Variants in RPS6KA2 observed in about 807,000 individuals in gnomAD.
The protein encoded by RPS6KA2 is ribosomal protein S6 kinase alpha-2.
Under a neutral mutation model 91.8 loss-of-function variants are expected in RPS6KA2, and 42 were observed. That is an observed-to-expected ratio of 0.46 (90% CI 0.36 to 0.59). The LOEUF is 0.59. Ranked by LOEUF, RPS6KA2 falls within the 20% of genes least tolerant of loss-of-function variation. The pLI, the probability that RPS6KA2 is intolerant of heterozygous loss-of-function variation, is 0.00. For missense variants in RPS6KA2, 798 were observed against 978.5 expected (o/e 0.82, Z 2.46); for synonymous variants, 414 against 393.6 (o/e 1.05, Z -0.61).
intron 4 of RPS6KA2, among the ~76,000 whole-genome samples, chr6:166,509,815 A>T (rs1782400303): frequency 6.6e-6 from 1 of 152,346 alleles, no homozygotes; most frequent in East Asian, 1.9e-4. Flanking sequence ...AGAACATGAA[A>T]ATAATAAGCT....
chr6:166,590,805 C>T (rs897705534), intron 1 of RPS6KA2, among the ~76,000 whole-genome samples: 2 of 151,486 alleles, frequency 1.3e-5, no homozygotes, highest in African/African-American at 4.8e-5. Flanking sequence ...TCAACACTAA[C>T]GGATAAGTGA....
At chr6:166,636,532 T>TCTC (rs1050956006) in intron 2 of RPS6KA2, among the ~76,000 whole-genome samples, 4 of 152,130 alleles carry the variant, frequency 2.6e-5, no homozygotes, top group East Asian at 1.9e-4. Flanking sequence ...TCCACATATT[T>TCTC]CTCCTCCTCC....
At position 166,732,608 on chromosome 6, in the gene RPS6KA2, G is replaced by GA. The variant is rs1213391277; in HGVS notation, c.123+125591dup. Among the ~76,000 whole-genome samples, 1 of 152,248 alleles carries GA rather than the reference G, an allele frequency of 6.6e-6. No homozygotes were observed. The highest frequency in any genetic ancestry group is 2.4e-5 in the African/African-American group (1 of 41,468). On this transcript the variant is annotated intron_variant, in intron 2 of 21. Coordinates refer to the RPS6KA2 transcript ENST00000503859. The surrounding 1 kb of genome is among the most constrained non-coding windows in gnomAD (Gnocchi z 4.0). ...AGCCATCCACTGCATCCAGACTGTTGAATCTTCAACCAGCATCAAAGAAAG... is the reference window on the plus strand; with the variant it reads ...AGCCATCCACTGCATCCAGACTGTTGAAATCTTCAACCAGCATCAAAGAAAG...
Position 166,459,645 on chromosome 6 carries a change from G to A in RPS6KA2, c.973-94C>T. The A allele has an allele frequency of 1.2e-6, 1 of 829,404 alleles. No homozygotes were observed. Among genetic ancestry groups the A allele is most frequent in the Non-Finnish European group, 2.0e-6 (1 of 505,004 alleles). 51.4% of individuals were successfully genotyped at this position (829,404 alleles called of 1,614,324 possible). ...AGAGAAACCTGCTGTGGGGAGGGAAGGATGTTCTTATCACAGACTGCATTG... is the reference window on the plus strand; with the variant it reads ...AGAGAAACCTGCTGTGGGGAGGGAAAGATGTTCTTATCACAGACTGCATTG... On this transcript the variant is annotated intron_variant, in intron 11 of 20. Transcript: ENST00000265678. This position sits in a 1 kb window ranked among gnomAD's most constrained non-coding sequence, Gnocchi z 4.9.
At chr6:166,461,986 C>G (rs562100503) in intron 11 of RPS6KA2, among the ~76,000 whole-genome samples, 13 of 152,252 alleles carry the variant, frequency 8.5e-5, no homozygotes, top group South Asian at 8.3e-4. Flanking sequence ...GCTGCCACAC[C>G]TGTGTGACCG....
chr6:166,761,220 T>C (rs1778161839), intron 2 of RPS6KA2, among the ~76,000 whole-genome samples: 1 of 152,166 alleles, frequency 6.6e-6, no homozygotes, highest in Non-Finnish European at 1.5e-5. Context: ...AAATTTTGTA[T>C]TTTTTGTAGA....
At chr6:166,678,410 T>A (rs551554988) in intron 2 of RPS6KA2, among the ~76,000 whole-genome samples, 204 of 152,362 alleles carry the variant, frequency 1.3e-3, no homozygotes, top group Non-Finnish European at 2.4e-3. Context: ...CGCAGAAGGT[T>A]GCCTTCTACA....
intron 1 of RPS6KA2, among the ~76,000 whole-genome samples, chr6:166,592,759 C>T (rs16899201): frequency 9.1e-4 from 138 of 152,250 alleles, no homozygotes; most frequent in African/African-American, 3.2e-3. Context: ...TACAGGGCAA[C>T]GGCTCTTGGC....
intron 2 of RPS6KA2, among the ~76,000 whole-genome samples, chr6:166,807,954 G>A (rs899043723): frequency 6.6e-6 from 1 of 151,926 alleles, no homozygotes; most frequent in Non-Finnish European, 1.5e-5. Context: ...CCCTGGGAGT[G>A]CAGAGCTCCC....
intron 2 of RPS6KA2, among the ~76,000 whole-genome samples, chr6:166,687,180 C>T (rs1054275065): frequency 6.6e-6 from 1 of 152,340 alleles, no homozygotes; most frequent in Non-Finnish European, 1.5e-5. Context: ...ATCATTGCAA[C>T]AGCAGCCACC....
intron 2 of RPS6KA2, among the ~76,000 whole-genome samples, chr6:166,740,416 C>T (rs961922182): frequency 3.3e-5 from 5 of 152,126 alleles, no homozygotes; most frequent in Non-Finnish European, 7.4e-5. Context: ...ATCAGCTGTG[C>T]AATTAATCCA....
At chr6:166,824,787 G>GTGTGTGTCTGTGTGTGTGTC (rs1562458556) in intron 2 of RPS6KA2, among the ~76,000 whole-genome samples, 13 of 135,242 alleles carry the variant, frequency 9.6e-5, no homozygotes, top group East Asian at 2.5e-4. Flanking sequence ...GTGTGTGTCT[G>GTGTGTGTCTGTGTGTGTGTC]TGTGTGTGTC....
At chr6:166,556,174 G>C (rs1342655939) in intron 1 of RPS6KA2, among the ~76,000 whole-genome samples, 1 of 152,124 alleles carries the variant, frequency 6.6e-6, no homozygotes, top group Non-Finnish European at 1.5e-5. Flanking sequence ...GTCCTGGATG[G>C]GCAGGAAATC....
In RPS6KA2 at chr6:166,488,773, T is replaced by C. The variant is rs577375784; in HGVS notation, c.907+60A>G. The C allele has an allele frequency of 3.3e-5, 45 of 1,368,556 alleles. No individual in the cohort carries two copies. The East Asian group carries it at 9.8e-4, about 30-fold the overall frequency. 84.8% of individuals were successfully genotyped at this position (1,368,556 alleles called of 1,614,324 possible). Reference sequence around the variant, plus strand: ...GGAGGGTGGCCCTCCACATCTCCACTGTAGCTTGCGGGGCAGCGCCCTGCA... The same window carrying C: ...GGAGGGTGGCCCTCCACATCTCCACCGTAGCTTGCGGGGCAGCGCCCTGCA... On this transcript the variant is annotated intron_variant, in intron 10 of 20. Transcript: ENST00000265678.
At chr6:166,660,043 C>T (rs1788117460) in intron 2 of RPS6KA2, among the ~76,000 whole-genome samples, 1 of 152,114 alleles carries the variant, frequency 6.6e-6, no homozygotes, top group Non-Finnish European at 1.5e-5. Context: ...AGGCGTGAGC[C>T]ACCACACCTG....
intron 1 of RPS6KA2, among the ~76,000 whole-genome samples, chr6:166,619,887 A>G (rs1785566667): frequency 6.6e-6 from 1 of 152,238 alleles, no homozygotes; most frequent in Non-Finnish European, 1.5e-5. Flanking sequence ...GAGCTTCTTA[A>G]GTAGTCGCTA....
At chr6:166,474,663 C>G (rs1235035110) in intron 10 of RPS6KA2, among the ~76,000 whole-genome samples, 1 of 152,130 alleles carries the variant, frequency 6.6e-6, no homozygotes, top group Non-Finnish European at 1.5e-5. Flanking sequence ...TGCTGAAAAC[C>G]CCAGCAGTTC....
At chr6:166,731,410 T>C (rs1416688781) in intron 2 of RPS6KA2, among the ~76,000 whole-genome samples, 8 of 149,522 alleles carry the variant, frequency 5.4e-5, no homozygotes, top group African/African-American at 2.0e-4. Context: ...GTCTTGTAAA[T>C]GCAACCAAGT....
chr6:166,527,866 G>C (rs965898023), intron 3 of RPS6KA2, among the ~76,000 whole-genome samples: 1 of 152,240 alleles, frequency 6.6e-6, no homozygotes, highest in African/African-American at 2.4e-5. Context: ...ACCCATGTTG[G>C]AGTGGGCACC....
Sources: allele counts gnomAD v4.1 joint callset (sites outside exome capture counted in the v4.1 genomes callset), GRCh38; gene constraint gnomAD v4.1.1; non-coding constraint Gnocchi (gnomAD v3.1); transcripts MANE v1.5; gene names NCBI Gene and HGNC (gene_info 2026-07-23, HGNC 2026-07-21).